Variants in MRTFA observed in about 807,000 individuals in gnomAD.
MRTFA encodes myocardin related transcription factor A.
In MRTFA, 20 loss-of-function variants were observed where a neutral mutation model predicts 83.5. The observed-to-expected ratio is 0.24, with a 90% CI of 0.17 to 0.35. The LOEUF is 0.35. MRTFA is among the 10% of genes least tolerant of loss of function. The pLI is 1.00. For missense variants in MRTFA, 1,200 were observed against 1,224.7 expected, an observed-to-expected ratio of 0.98 and a Z score of 0.30; for synonymous variants, 659 against 541.2, an observed-to-expected ratio of 1.22 and a Z score of -3.02.
intron 2 of MRTFA, among the ~76,000 whole-genome samples, chr22:40,562,492 T>C (rs1371931127): frequency 1.4e-5 from 2 of 140,580 alleles, no homozygotes; most frequent in Non-Finnish European, 3.0e-5. Context: ...ATGTAATAAA[T>C]GGCATCAGAC....
At chr22:40,535,341 GTTTT>G (rs1034892280) in intron 3 of MRTFA, among the ~76,000 whole-genome samples, 3 of 97,982 alleles carry the variant, frequency 3.1e-5, no homozygotes, top group Non-Finnish European at 6.2e-5. Flanking sequence ...TGTGTGAGAG[GTTTT>G]TTCTTTTTTT....
At chr22:40,465,527 A>C (rs1029618121) in intron 3 of MRTFA, among the ~76,000 whole-genome samples, 2 of 152,084 alleles carry the variant, frequency 1.3e-5, no homozygotes, top group Non-Finnish European at 2.9e-5. Flanking sequence ...TTATATTTTA[A>C]CTTACTCTTC....
rs1401388096 is a variant in MRTFA, at chr22:40,632,335, G to A, written c.-84+4143C>T. Among the ~76,000 whole-genome samples, 8 of 152,074 alleles carry A rather than the reference G, an allele frequency of 5.3e-5. 1 individual carries two copies. The highest frequency in any genetic ancestry group is 5.2e-4 in the Admixed American group (8 of 15,262). On this transcript the variant is annotated intron_variant, in intron 1 of 14. Transcript: ENST00000355630. ...GTTTTGCTCTGTCACCCAGGCTGGA[G>A]TGCAGTGGCACGATCTCAGCTCACT...
intron 3 of MRTFA, chr22:40,526,815 G>A (rs1277273708): frequency 1.3e-5 from 2 of 152,144 alleles, no homozygotes; most frequent in Non-Finnish European, 2.9e-5. Flanking sequence ...CTAAGGCTAA[G>A]GGGATTATGA....
intron 3 of MRTFA, among the ~76,000 whole-genome samples, chr22:40,478,077 T>G (rs1289280212): frequency 6.6e-6 from 1 of 152,162 alleles, no homozygotes; most frequent in African/African-American, 2.4e-5. Flanking sequence ...AAAGGTCCAT[T>G]TATCTTTTGC....
Position 40,561,679 on chromosome 22 carries a change from G to A in MRTFA, c.-21-9312C>T, listed in dbSNP as rs191744038. ...CATCTTGGAAATCATCTAAAAACGA[G>A]GAGTACAAGCAACAGAAAAATATAA... On this transcript the variant is annotated intron_variant, in intron 2 of 14. Transcript: ENST00000355630. 2.2e-4 allele frequency among the ~76,000 whole-genome samples: 33 copies of A among 152,064 alleles called. No homozygotes were observed. In the East Asian group the frequency reaches 4.8e-3, roughly 22 times the overall value.
intron 1 of MRTFA, among the ~76,000 whole-genome samples, chr22:40,597,909 A>T (rs115800046): frequency 2.6e-5 from 4 of 152,362 alleles, no homozygotes; most frequent in Admixed American, 2.6e-4. Context: ...GTTTGTCCAC[A>T]TATTAATCGA....
chr22:40,510,422 C>A (rs971543335), intron 3 of MRTFA, among the ~76,000 whole-genome samples: 1 of 151,550 alleles, frequency 6.6e-6, no homozygotes, highest in Non-Finnish European at 1.5e-5. Context: ...TGGCCACCTG[C>A]AGATAAATAA....
chr22:40,592,266 CAAAAAAA>C (rs398037181), intron 2 of MRTFA, among the ~76,000 whole-genome samples: 1 of 86,302 alleles, frequency 1.2e-5, no homozygotes, highest in Admixed American at 1.4e-4. Context: ...TCAGTCTCTA[CAAAAAAA>C]AAAAAAAAAA....
chr22:40,635,272 T>C (rs1363637646), intron 1 of MRTFA, among the ~76,000 whole-genome samples: 3 of 152,160 alleles, frequency 2.0e-5, no homozygotes, highest in Non-Finnish European at 4.4e-5. Context: ...ACAGTAAAAC[T>C]GCGTAAGTGA....
At chr22:40,543,180 GCTTT>G (rs1392901825) in intron 3 of MRTFA, among the ~76,000 whole-genome samples, 4 of 152,152 alleles carry the variant, frequency 2.6e-5, no homozygotes, top group Non-Finnish European at 5.9e-5. Flanking sequence ...TGAAAACCAT[GCTTT>G]CTGAGGAATA....
Position 40,416,924 on chromosome 22 carries a change from G to T in MRTFA, c.2578+62C>A. The stretch of plus-strand genomic sequence containing the variant: ...CATTCAATAAAAACAAACCAACCCA[G>T]GGCTAGAGACACCTATGAACAGAGA... On this transcript the variant is annotated intron_variant, in intron 14 of 14. Coordinates refer to ENST00000355630, the MANE Select transcript of MRTFA (RefSeq NM_020831.6). The surrounding 1 kb of genome is among the most constrained non-coding windows in gnomAD (Gnocchi z 4.2). 1 of 1,488,790 alleles carries T rather than the reference G, an allele frequency of 6.7e-7. No individual in the cohort carries two copies. The highest frequency in any genetic ancestry group is 2.4e-5 in the East Asian group (1 of 41,602). 92.2% of individuals were successfully genotyped at this position (1,488,790 alleles called of 1,614,324 possible). A position where few individuals can be genotyped will look rare whatever the true frequency, so the allele number is the denominator to read the frequency against.
chr22:40,492,046 G>T (rs1015786302), intron 3 of MRTFA, among the ~76,000 whole-genome samples: 1 of 150,838 alleles, frequency 6.6e-6, no homozygotes, highest in Non-Finnish European at 1.5e-5. Context: ...GTCCTTTCTC[G>T]GCTTCAGGAC....
At chr22:40,515,996 C>T (rs1326254011) in intron 3 of MRTFA, among the ~76,000 whole-genome samples, 1 of 152,182 alleles carries the variant, frequency 6.6e-6, no homozygotes, top group African/African-American at 2.4e-5. Flanking sequence ...TGGGATTAAA[C>T]ATATATTTAG....
At chr22:40,414,348 AAAG>A (rs1355072363) in intron 14 of MRTFA, among the ~76,000 whole-genome samples, 1 of 152,064 alleles carries the variant, frequency 6.6e-6, no homozygotes, top group Non-Finnish European at 1.5e-5. Flanking sequence ...AAGGAAAAAA[AAAG>A]AAGAAATTAC....
At chr22:40,472,569 A>C (rs2053934067) in intron 3 of MRTFA, among the ~76,000 whole-genome samples, 1 of 152,276 alleles carries the variant, frequency 6.6e-6, no homozygotes, top group South Asian at 2.1e-4. Flanking sequence ...AGAATGAATA[A>C]CAAATAATTT....
intron 1 of MRTFA, among the ~76,000 whole-genome samples, chr22:40,597,779 C>G (rs1713312617): frequency 6.6e-6 from 1 of 152,138 alleles, no homozygotes; most frequent in Admixed American, 6.6e-5. Context: ...ATCAGTCACC[C>G]AAGGCAACAG....
At chr22:40,574,304 T>C (rs569624262) in intron 2 of MRTFA, among the ~76,000 whole-genome samples, 20 of 152,336 alleles carry the variant, frequency 1.3e-4, no homozygotes, top group Admixed American at 3.9e-4. Flanking sequence ...CAACCACGGA[T>C]TGAAAATATT....
At position 40,602,457 on chromosome 22, in the gene MRTFA, G is replaced by A. The variant is rs117866481; in HGVS notation, c.-83-7722C>T. Reference sequence around the variant, plus strand: ...TGCCAATATTACAAACAGAAGAATCGTGGTGATTCAGGATAAAGAGAAAGT... The same window carrying A: ...TGCCAATATTACAAACAGAAGAATCATGGTGATTCAGGATAAAGAGAAAGT... On this transcript the variant is annotated intron_variant, in intron 1 of 14. Coordinates refer to ENST00000355630, the MANE Select transcript of MRTFA (RefSeq NM_020831.6). 1.3e-4 allele frequency among the ~76,000 whole-genome samples: 20 copies of A among 152,226 alleles called. No homozygotes were observed. The East Asian group carries it at 3.5e-3, about 26-fold the overall frequency.
Sources: allele counts gnomAD v4.1 joint callset (sites outside exome capture counted in the v4.1 genomes callset), GRCh38; gene constraint gnomAD v4.1.1; non-coding constraint Gnocchi (gnomAD v3.1); transcripts MANE v1.5; gene names NCBI Gene and HGNC (gene_info 2026-07-23, HGNC 2026-07-21).